The following ABTB3 variants were observed in gnomAD, a reference collection of about 807,000 sequenced individuals.
ABTB3 encodes ankyrin repeat and BTB domain containing 3, also known as ankyrin repeat- and BTB/POZ domain-containing protein 3.
At chr12:107,380,178 C>G in the ABTB3 span, among the ~76,000 whole-genome samples, 5 of 152,138 alleles carry the variant, frequency 3.3e-5, no homozygotes, top group Admixed American at 6.6e-5. Context: ...CCAGTGTTTA[C>G]GAATGGGTGT....
chr12:107,554,306 A>G, the ABTB3 span, among the ~76,000 whole-genome samples: 1 of 152,088 alleles, frequency 6.6e-6, no homozygotes, highest in Non-Finnish European at 1.5e-5. Flanking sequence ...ACAGTGTGCT[A>G]TTTCAATACA....
the ABTB3 span, among the ~76,000 whole-genome samples, chr12:107,442,083 C>T: frequency 6.6e-6 from 1 of 152,184 alleles, no homozygotes. Context: ...GTTTTTTAAA[C>T]ACCCTAGGTC....
chr12:107,545,442 C>A, the ABTB3 span, among the ~76,000 whole-genome samples: 1 of 151,966 alleles, frequency 6.6e-6, no homozygotes. Context: ...GACAGGGTTT[C>A]ACCATGTTCC....
the ABTB3 span, among the ~76,000 whole-genome samples, chr12:107,572,510 G>A: frequency 2.6e-5 from 4 of 152,234 alleles, no homozygotes; most frequent in Admixed American, 1.3e-4. Flanking sequence ...AGGTGATCTG[G>A]AGACTCCCTG....
the ABTB3 span, among the ~76,000 whole-genome samples, chr12:107,491,123 AGACCAAG>A: frequency 0.051 from 7,690 of 152,170 alleles, 283 homozygotes; most frequent in East Asian, 0.19. Context: ...CCTGTCTCCA[AGACCAAG>A]GATACAGAGA....
chr12:107,577,603 G>T, the ABTB3 span, among the ~76,000 whole-genome samples: 5 of 152,012 alleles, frequency 3.3e-5, no homozygotes, highest in African/African-American at 7.2e-5. Context: ...GCCCATCAAG[G>T]CTTTCTCTTT....
At chr12:107,516,119 T>G in the ABTB3 span, among the ~76,000 whole-genome samples, 1 of 151,966 alleles carries the variant, frequency 6.6e-6, no homozygotes, top group Non-Finnish European at 1.5e-5. Flanking sequence ...TCAAAAATAT[T>G]TGAAAAAAAC....
chr12:107,586,741 A>G, the ABTB3 span, among the ~76,000 whole-genome samples: 1 of 152,094 alleles, frequency 6.6e-6, no homozygotes, highest in Non-Finnish European at 1.5e-5. Flanking sequence ...AGTACCTTGC[A>G]CTCAGCAAAC....
chr12:107,386,930 T>TGTGTGTGTGTGTGC, the ABTB3 span, among the ~76,000 whole-genome samples: 2 of 150,696 alleles, frequency 1.3e-5, no homozygotes, highest in African/African-American at 4.9e-5. Flanking sequence ...TGTGTATGTG[T>TGTGTGTGTGTGTGC]GCGCATGCTT....
the ABTB3 span, among the ~76,000 whole-genome samples, chr12:107,447,969 C>T: frequency 2.6e-5 from 4 of 152,268 alleles, no homozygotes; most frequent in East Asian, 5.8e-4. Flanking sequence ...CAAATGTTTA[C>T]GAAGGAGTTG....
the ABTB3 span, among the ~76,000 whole-genome samples, chr12:107,415,513 C>G: frequency 1.3e-5 from 2 of 152,002 alleles, no homozygotes; most frequent in South Asian, 4.2e-4. Context: ...TCGAGACCAT[C>G]CTGGCTAACA....
chr12:107,615,757 G>A, the ABTB3 span, among the ~76,000 whole-genome samples: 3 of 152,212 alleles, frequency 2.0e-5, no homozygotes, highest in African/African-American at 7.2e-5. Context: ...TGTATTGCTT[G>A]TACTTTTTCT....
the ABTB3 span, among the ~76,000 whole-genome samples, chr12:107,469,992 CTT>C: frequency 6.9e-4 from 67 of 96,576 alleles, 4 homozygotes; most frequent in South Asian, 1.4e-3. Context: ...TTCTTTCTTT[CTT>C]TCTTTCTTTC....
the ABTB3 span, among the ~76,000 whole-genome samples, chr12:107,410,048 C>G: frequency 2.0e-5 from 3 of 152,046 alleles, no homozygotes; most frequent in African/African-American, 7.3e-5. Flanking sequence ...CCTGGCCCAG[C>G]TGAGGTTCCA....
chr12:107,327,072 G>A, the ABTB3 span, among the ~76,000 whole-genome samples: 1 of 152,140 alleles, frequency 6.6e-6, no homozygotes, highest in African/African-American at 2.4e-5. Context: ...TTGTGACCTA[G>A]TTCTTTCCCT....
chr12:107,409,485 T>C, the ABTB3 span, among the ~76,000 whole-genome samples: 93 of 152,354 alleles, frequency 6.1e-4, no homozygotes, highest in African/African-American at 2.1e-3. Context: ...CAGTACTGTT[T>C]ACACTAGTGA....
the ABTB3 span, among the ~76,000 whole-genome samples, chr12:107,387,957 CTTCT>C: frequency 2.1e-5 from 3 of 142,358 alleles, no homozygotes; most frequent in South Asian, 4.4e-4. Context: ...TTCTCCTCTT[CTTCT>C]TCTTCTTCTT....
chr12:107,457,227 G>A, the ABTB3 span, among the ~76,000 whole-genome samples: 2 of 152,144 alleles, frequency 1.3e-5, no homozygotes, highest in African/African-American at 4.8e-5. Context: ...AGCTGCCTGT[G>A]TTAGCCTGGA....
chr12:107,508,403 TGCCATGA>T, the ABTB3 span, among the ~76,000 whole-genome samples: 1 of 150,318 alleles, frequency 6.7e-6, no homozygotes, highest in African/African-American at 2.4e-5. Context: ...CCTGGTCCAT[TGCCATGA>T]TGTTAATTAA....
Sources: gnomAD v4.1 joint callset for allele counts (sites outside exome capture counted in the v4.1 genomes callset) on GRCh38, gnomAD v4.1.1 for gene constraint, MANE v1.5 for transcripts, NCBI Gene and HGNC (gene_info 2026-07-23, HGNC 2026-07-21) for gene names.